Variants in CD163 observed in about 807,000 individuals in gnomAD.
CD163 encodes scavenger receptor cysteine-rich type 1 protein M130.
Under a neutral mutation model 129.2 loss-of-function variants are expected in CD163, and 64 were observed. The observed-to-expected ratio is 0.50, with a 90% CI of 0.41 to 0.61. CD163 has a LOEUF of 0.61. Among genes scored for constraint, CD163 ranks in the 20% least tolerant of loss-of-function variants. The probability of loss-of-function intolerance (pLI) is 0.00; values close to 1 mark genes in which losing one functional copy is unlikely to be tolerated. For synonymous variants in CD163, 446 were observed against 478.5 expected, an observed-to-expected ratio of 0.93 and a Z score of 0.89; for missense variants, 1,061 against 1,377.9, an observed-to-expected ratio of 0.77 and a Z score of 3.64.
At chr12:7,481,935 C>G (rs1949168109) in intron 14 of CD163, among the ~76,000 whole-genome samples, 1 of 152,088 alleles carries the variant, frequency 6.6e-6, no homozygotes, top group African/African-American at 2.4e-5. Context: ...CTCTGAGCCT[C>G]TATGTTCGAA....
At chr12:7,492,921 C>T (rs1949345367) in intron 6 of CD163, among the ~76,000 whole-genome samples, 1 of 152,158 alleles carries the variant, frequency 6.6e-6, no homozygotes. Flanking sequence ...AGGTCTTGTC[C>T]TTCCTCCCAA....
At chr12:7,493,885 T>TA (rs1159289544) in intron 6 of CD163, among the ~76,000 whole-genome samples, 4 of 152,060 alleles carry the variant, frequency 2.6e-5, no homozygotes, top group Non-Finnish European at 5.9e-5. Flanking sequence ...CCTTGTCAGG[T>TA]AAAAAATTAA....
chr12:7,487,107 A>G lies in CD163; in HGVS notation c.2051-121T>C. ...GAGAGAGAGGGGAAGGTGGATGGTC[A>G]ACAAGTTTGAAATAAATCAGGTGCT... is the stretch of plus-strand genomic sequence containing the variant. On this transcript the variant is annotated intron_variant, in intron 8 of 16. Transcript: ENST00000432237. This position sits in a 1 kb window ranked among gnomAD's most constrained non-coding sequence, Gnocchi z 5.1. The G allele has an allele frequency of 2.4e-6, 2 of 841,806 alleles. No homozygotes were observed. Among genetic ancestry groups the G allele is most frequent in the Non-Finnish European group, 3.7e-6 (2 of 537,036 alleles). The allele number at this position is 841,806 out of a possible 1,614,324, so 52.1% of individuals were successfully genotyped here. A position where few individuals can be genotyped will look rare whatever the true frequency, so the allele number is the denominator to read the frequency against.
At chr12:7,486,459 C>T in intron 10 of CD163, 40 bp downstream of exon 10, 1 of 1,562,444 alleles carries the variant, frequency 6.4e-7, no homozygotes, top group East Asian at 2.2e-5. Context: ...TCAGTCCTTT[C>T]TCTATGTAAT....
rs756474972 is a variant in CD163, at chr12:7,496,473, T to C, written c.1099+340A>G. Among the ~76,000 whole-genome samples the C allele has an allele frequency of 4.0e-4, 61 of 152,214 alleles. No individual in the cohort carries two copies. The highest frequency in any genetic ancestry group is 1.5e-3 in the African/African-American group (61 of 41,546). ...CAAACCTGCACATTCAACACATCTA[T>C]CCCAGAACTTAAAGTAAAAAAATAA... On this transcript the variant is annotated intron_variant, in intron 5 of 16. Coordinates refer to ENST00000432237, the MANE Select transcript of CD163 (RefSeq NM_203416.4). The surrounding 1 kb of genome is among the most constrained non-coding windows in gnomAD (Gnocchi z 4.8).
intron 12 of CD163, 152 bp downstream of exon 12, chr12:7,483,215 T>C: frequency 1.2e-6 from 1 of 813,846 alleles, no homozygotes; most frequent in African/African-American, 1.7e-5. Flanking sequence ...ACAATTGTTT[T>C]CATCATTCTT....
At chr12:7,490,983 A>C (rs1949319387) in intron 6 of CD163, among the ~76,000 whole-genome samples, 1 of 152,004 alleles carries the variant, frequency 6.6e-6, no homozygotes, top group South Asian at 2.1e-4. Flanking sequence ...ATCATTAACT[A>C]GTATTCATAT....
rs564638518 is a variant in CD163 at position 7,482,600 on chromosome 12, C to T, written c.3247+43G>A. 1.1e-5 allele frequency: 17 copies of T among 1,609,308 alleles called. No individual in the cohort carries two copies. In the African/African-American group the frequency reaches 1.9e-4, roughly 18 times the overall value. ...AATATTTTCGTCTTACAAGAACCCC[C>T]TTATCCTGTAGACATATTAGATAAA... On this transcript the variant is annotated intron_variant, in intron 14 of 16. Transcript: ENST00000432237.
In CD163 at chr12:7,476,027, C is replaced by A. The variant is rs1437831245; in HGVS notation, c.*31+3833G>T. On this transcript the variant is annotated intron_variant, in intron 16 of 16. Coordinates refer to ENST00000432237, the MANE Select transcript of CD163 (RefSeq NM_203416.4). The stretch of plus-strand genomic sequence containing the variant: ...ATAAAATACCTAGGAATACAACTTA[C>A]AAGGGATGTGAAGGACCTCTTAAAG... Among the ~76,000 whole-genome samples, 7 of 152,110 alleles carry A rather than the reference C, an allele frequency of 4.6e-5. No homozygotes were observed. In the East Asian group the frequency reaches 1.2e-3, roughly 25 times the overall value.
Position 7,497,148 on chromosome 12 carries a change from C to T in CD163, c.779-15G>A, listed in dbSNP as rs1949413955. On this transcript the variant is annotated splice_polypyrimidine_tract_variant and intron_variant, in intron 4 of 16. Transcript: ENST00000432237. ...ATCTGCTCCCTCTGTAACAGAGACACACAACAGGTCTGCGATAAGGAAGCA... is the reference window on the plus strand; with the variant it reads ...ATCTGCTCCCTCTGTAACAGAGACATACAACAGGTCTGCGATAAGGAAGCA... 1.2e-6 allele frequency: 2 copies of T among 1,601,268 alleles called. No homozygotes were observed. The highest frequency in any genetic ancestry group is 1.8e-5 in the Admixed American group (1 of 56,780).
intron 16 of CD163, among the ~76,000 whole-genome samples, chr12:7,474,760 A>T (rs781739926): frequency 2.0e-5 from 3 of 152,082 alleles, no homozygotes; most frequent in Non-Finnish European, 4.4e-5. Context: ...GACATGAAAA[A>T]CCCTTCAAAA....
At chr12:7,495,802 G>A (rs909399736) in intron 5 of CD163, among the ~76,000 whole-genome samples, 3 of 151,408 alleles carry the variant, frequency 2.0e-5, no homozygotes, top group South Asian at 4.2e-4. Context: ...TTAGAATGGC[G>A]ATCATTAAAA....
rs756607423 is a variant in CD163, at chr12:7,486,698, G to A, written c.2259C>T (p.Ala753=). 1.2e-6 allele frequency: 2 copies of A among 1,614,130 alleles called. No homozygotes were observed. Among genetic ancestry groups the A allele is most frequent in the South Asian group, 2.2e-5 (2 of 91,086 alleles). Reference sequence around the variant, plus strand: ...AGCCCAGCTGTCTGCAAACCACGTGGGCATCACTCAGGTCCCAGCTGTCAT... The same window carrying A: ...AGCCCAGCTGTCTGCAAACCACGTGAGCATCACTCAGGTCCCAGCTGTCAT... ...ICDDSWDLSD[A]HVVCRQLGCG... The change falls in exon 10 of 17, where the codon GCC becomes GCT. Residue 753 remains alanine, a synonymous_variant. Transcript: ENST00000432237.
rs771505797 is a variant in CD163, at chr12:7,487,609, C to A, written c.1800G>T (p.Thr600=). The change falls in exon 8 of 17, where the codon ACG becomes ACT. Residue 600 remains threonine, a synonymous_variant. Coordinates refer to ENST00000432237, the MANE Select transcript of CD163 (RefSeq NM_203416.4). The surrounding 1 kb of genome is among the most constrained non-coding windows in gnomAD (Gnocchi z 5.1). ...TPCEGRVELK[T]LGAWGSLCNS... is the part of the protein sequence containing the mutation. ...TACAGAGGGATCCCCAGGCACCAAG[C>A]GTTTTGAGCTCCACTCTGCCCTCAC... 1.2e-6 allele frequency: 2 copies of A among 1,614,100 alleles called. No homozygotes were observed. Among genetic ancestry groups the A allele is most frequent in the Non-Finnish European group, 1.7e-6 (2 of 1,180,014 alleles).
In CD163 at chr12:7,485,109, C is replaced by G. The variant is rs758319722; in HGVS notation, c.2766G>C (p.Trp922Cys). The G allele has an allele frequency of 6.2e-7, 1 of 1,604,164 alleles. No individual in the cohort carries two copies. Among genetic ancestry groups the G allele is most frequent in the South Asian group, 1.1e-5 (1 of 89,962 alleles). Residue 922 changes from tryptophan to cysteine, a missense_variant, in exon 11 of 17, where the codon TGG becomes TGC. Transcript: ENST00000432237. The surrounding 1 kb of genome is among the most constrained non-coding windows in gnomAD (Gnocchi z 4.5). The stretch of plus-strand genomic sequence containing the variant: ...ATGGATACTCACTGTCACATGTGAT[C>G]CAGGTCTCCTCCGAGGGGCTGGCCA... ...KRLASPSEET[W>C]ITCDNKIRLQ... is the part of the protein sequence containing the mutation.
intron 6 of CD163, among the ~76,000 whole-genome samples, chr12:7,493,381 C>T (rs997958402): frequency 1.3e-5 from 2 of 152,174 alleles, no homozygotes; most frequent in Admixed American, 6.5e-5. Flanking sequence ...ACTCACTGAG[C>T]TGCGGGGTGG....
intron 11 of CD163, among the ~76,000 whole-genome samples, chr12:7,484,646 A>AAG (rs1261116110): frequency 6.6e-6 from 1 of 151,728 alleles, no homozygotes; most frequent in Non-Finnish European, 1.5e-5. Context: ...TCTCAAAAAA[A>AAG]AAAAAAAAAA....
intron 16 of CD163, among the ~76,000 whole-genome samples, chr12:7,472,708 C>T (rs1403457814): frequency 1.3e-5 from 2 of 152,172 alleles, no homozygotes; most frequent in Non-Finnish European, 1.5e-5. Context: ...GGGCACAAAA[C>T]TGGACAGATA....
In CD163 at chr12:7,495,220, G is replaced by A. The variant is rs1277408436; in HGVS notation, c.1281C>T (p.Tyr427=). The A allele has an allele frequency of 6.2e-7, 1 of 1,614,014 alleles. No individual in the cohort carries two copies. The highest frequency in any genetic ancestry group is 1.3e-5 in the African/African-American group (1 of 74,904). The change falls in exon 6 of 17, where the codon TAC becomes TAT. Residue 427 remains tyrosine (Y), a synonymous_variant. Coordinates refer to ENST00000432237, the MANE Select transcript of CD163 (RefSeq NM_203416.4). ...GSALKTSYQV[Y]SKIQATNTWL... Reference sequence around the variant, plus strand: ...ATGTGTTTGTTGCCTGGATTTTGGAGTACACTTGATAAGATGTTTTGAGTG... The same window carrying A: ...ATGTGTTTGTTGCCTGGATTTTGGAATACACTTGATAAGATGTTTTGAGTG...
Sources: gnomAD v4.1 joint callset for allele counts (sites outside exome capture counted in the v4.1 genomes callset) on GRCh38, gnomAD v4.1.1 for gene constraint, Gnocchi (gnomAD v3.1) non-coding constraint, MANE v1.5 for transcripts, NCBI Gene and HGNC (gene_info 2026-07-23, HGNC 2026-07-21) for gene names.